The following GABRR1 variants were observed in gnomAD, a reference collection of about 807,000 sequenced individuals.
GABRR1 encodes gamma-aminobutyric acid type A receptor subunit rho1.
GABRR1 carries 59 observed loss-of-function variants against 55.5 expected under a neutral mutation model. That is an observed-to-expected ratio of 1.06 (90% CI 0.86 to 1.32). The LOEUF (loss-of-function observed/expected upper bound fraction) is 1.32, where lower values mean the gene tolerates loss of function less well. Among genes scored for constraint, GABRR1 ranks in the 40% most tolerant of loss-of-function variants. The pLI is 0.00. For synonymous variants in GABRR1, 213 were observed against 226.0 expected (o/e 0.94, Z 0.51); for missense variants, 602 against 619.1 (o/e 0.97, Z 0.29).
intron 6 of GABRR1, among the ~76,000 whole-genome samples, chr6:89,186,808 A>G (rs1397882833): frequency 1.3e-5 from 2 of 152,180 alleles, no homozygotes; most frequent in East Asian, 1.9e-4. Context: ...CCACTGTGCA[A>G]TAAGTAGCCA....
At chr6:89,225,060 C>T (rs561079850) in intron 1 of GABRR1, among the ~76,000 whole-genome samples, 3 of 152,084 alleles carry the variant, frequency 2.0e-5, no homozygotes, top group African/African-American at 4.8e-5. Context: ...GGATTATAGG[C>T]GAGAGCCACC....
At chr6:89,183,189 C>T (rs1393357052) in intron 7 of GABRR1, among the ~76,000 whole-genome samples, 3 of 146,596 alleles carry the variant, frequency 2.0e-5, no homozygotes, top group Admixed American at 6.8e-5. Flanking sequence ...GCCTTATATG[C>T]GTGAGATGCC....
rs1279465582 is a variant in GABRR1, at chr6:89,198,185, G to A, written c.407C>T (p.Pro136Leu). 1 of 1,613,928 alleles carries A rather than the reference G, an allele frequency of 6.2e-7. No homozygotes were observed. The highest frequency in any genetic ancestry group is 8.5e-7 in the Non-Finnish European group (1 of 1,180,014). ...HYWKDERLSF[P>L]STNNLSMTFD... ...CGTCATGCTGAGGTTGTTGGTGCTT[G>A]GAAAAGACAGCCTCTCGTCCTTCCA... The change falls in exon 5 of 10, where the codon CCA becomes CTA. Residue 136 changes from proline (P) to leucine (L), a missense_variant. Pro to Leu is a moderately conservative substitution (Grantham distance 98). Transcript: ENST00000454853.
At chr6:89,225,231 G>A (rs1213632381) in intron 1 of GABRR1, among the ~76,000 whole-genome samples, 3 of 148,304 alleles carry the variant, frequency 2.0e-5, no homozygotes, top group Non-Finnish European at 4.5e-5. Context: ...TGAATAGGGT[G>A]TACTTTCCCC....
At chr6:89,225,466 C>T (rs1773185720) in intron 1 of GABRR1, among the ~76,000 whole-genome samples, 1 of 136,154 alleles carries the variant, frequency 7.3e-6, no homozygotes, top group African/African-American at 2.8e-5. Flanking sequence ...TTCCTGTGTC[C>T]CTGTGATCTC....
At chr6:89,202,387 G>A (rs1772507645) in intron 2 of GABRR1, among the ~76,000 whole-genome samples, 1 of 152,104 alleles carries the variant, frequency 6.6e-6, no homozygotes, top group Admixed American at 6.5e-5. Context: ...CACCTCCCAG[G>A]TTCAAGTGAT....
chr6:89,189,826 C>T (rs1772029468), intron 6 of GABRR1, among the ~76,000 whole-genome samples: 1 of 152,070 alleles, frequency 6.6e-6, no homozygotes, highest in South Asian at 2.1e-4. Flanking sequence ...AGCAGGTGGT[C>T]ACAAGGTCAG....
At chr6:89,200,328 A>C (rs1772427212) in intron 3 of GABRR1, among the ~76,000 whole-genome samples, 1 of 140,754 alleles carries the variant, frequency 7.1e-6, no homozygotes, top group Admixed American at 7.6e-5. Flanking sequence ...AGTTCACTGC[A>C]ACCTCCGCCT....
intron 6 of GABRR1, among the ~76,000 whole-genome samples, chr6:89,189,297 G>A (rs960608445): frequency 4.4e-4 from 67 of 150,628 alleles, no homozygotes; most frequent in Middle Eastern, 6.8e-3. Flanking sequence ...TTAAGAAAAT[G>A]TGGCACATAT....
intron 1 of GABRR1, among the ~76,000 whole-genome samples, chr6:89,223,571 G>A (rs577400669): frequency 6.6e-6 from 1 of 152,202 alleles, no homozygotes; most frequent in East Asian, 1.9e-4. Flanking sequence ...ACTCAGTAGC[G>A]GGATTGCTGG....
intron 6 of GABRR1, among the ~76,000 whole-genome samples, chr6:89,188,884 GCCTGAGCATCTCAA>G (rs1771998413): frequency 6.6e-6 from 1 of 151,998 alleles, no homozygotes. Flanking sequence ...CCCTTGTTGT[GCCTGAGCATCTCAA>G]CCACCACACG....
At chr6:89,223,323 C>G (rs1157293945) in intron 1 of GABRR1, among the ~76,000 whole-genome samples, 1 of 152,194 alleles carries the variant, frequency 6.6e-6, no homozygotes, top group Non-Finnish European at 1.5e-5. Flanking sequence ...TCCTGAGTTA[C>G]TTCACTTAGA....
At chr6:89,191,246 T>C (rs557075571) in intron 5 of GABRR1, among the ~76,000 whole-genome samples, 1 of 152,202 alleles carries the variant, frequency 6.6e-6, no homozygotes, top group South Asian at 2.1e-4. Context: ...GGTGGTCTTA[T>C]GTCTCCTGGA....
At chr6:89,179,776 T>A (rs1297815049) in intron 9 of GABRR1, among the ~76,000 whole-genome samples, 1 of 152,150 alleles carries the variant, frequency 6.6e-6, no homozygotes, top group Non-Finnish European at 1.5e-5. Context: ...TAGAGTTTGC[T>A]GGGGGAGATA....
intron 3 of GABRR1, among the ~76,000 whole-genome samples, chr6:89,199,999 G>A (rs1582392835): frequency 6.6e-6 from 1 of 152,072 alleles, no homozygotes. Flanking sequence ...ACTAAATATT[G>A]ATAAAGAGTA....
chr6:89,194,251 C>T (rs1040433905), intron 5 of GABRR1, among the ~76,000 whole-genome samples: 1 of 152,162 alleles, frequency 6.6e-6, no homozygotes, highest in African/African-American at 2.4e-5. Flanking sequence ...AACCCCTAGC[C>T]AGCCTTCCCA....
At chr6:89,204,409 G>A (rs1246296301) in intron 1 of GABRR1, among the ~76,000 whole-genome samples, 1 of 152,220 alleles carries the variant, frequency 6.6e-6, no homozygotes, top group Non-Finnish European at 1.5e-5. Context: ...GCGTGAGGCC[G>A]AAGGACACCG....
rs573992444 is a variant in GABRR1 at position 89,217,181 on chromosome 6, A to C, written c.122+20T>G. 1.4e-5 allele frequency: 22 copies of C among 1,613,092 alleles called. No individual in the cohort carries two copies. In the South Asian group the frequency reaches 2.1e-4, roughly 15 times the overall value. On this transcript the variant is annotated intron_variant, in intron 1 of 9. Coordinates refer to ENST00000454853, the MANE Select transcript of GABRR1 (RefSeq NM_002042.5). ...TGCATCCTCTTTTCCTAAATCCTCT[A>C]TCCCTAAATGTCCACTCACCTGCCT...
rs190834804 is a variant in GABRR1 at position 89,212,110 on chromosome 6, C to G, written c.122+5091G>C. Reference sequence around the variant, plus strand: ...CATACCAAACTCATCACCTTCACCCCCAAACCTAATCCTCCACCTGCTCTC... The same window carrying G: ...CATACCAAACTCATCACCTTCACCCGCAAACCTAATCCTCCACCTGCTCTC... On this transcript the variant is annotated intron_variant, in intron 1 of 9. Transcript: ENST00000454853. 4.5e-6 allele frequency: 3 copies of G among 659,408 alleles called. 1 individual carries two copies. The East Asian group carries it at 3.8e-4, about 84-fold the overall frequency. 40.8% of individuals were successfully genotyped at this position (659,408 alleles called of 1,614,324 possible).
Sources: allele counts gnomAD v4.1 joint callset (sites outside exome capture counted in the v4.1 genomes callset), GRCh38; gene constraint gnomAD v4.1.1; transcripts MANE v1.5; gene names NCBI Gene and HGNC (gene_info 2026-07-23, HGNC 2026-07-21).